Variants in KHSRP observed in about 807,000 individuals in gnomAD.
The protein encoded by KHSRP is KH-type splicing regulatory protein.
In KHSRP, 13 loss-of-function variants were observed where a neutral mutation model predicts 94.9. That is an observed-to-expected ratio of 0.14 (90% CI 0.09 to 0.22). The LOEUF (loss-of-function observed/expected upper bound fraction) is 0.22, where lower values mean the gene tolerates loss of function less well. Ranked by LOEUF, KHSRP falls within the 10% of genes least tolerant of loss-of-function variation. KHSRP has a pLI of 1.00. For synonymous variants in KHSRP, 495 were observed against 401.4 expected (o/e 1.23, Z -2.79); for missense variants, 710 against 1,010.0 (o/e 0.70, Z 4.03).
Position 6,414,552 on chromosome 19 carries a change from A to G in KHSRP, c.*472T>C. The G allele has an allele frequency of 9.7e-7, 1 of 1,025,984 alleles. No individual in the cohort carries two copies. The highest frequency in any genetic ancestry group is 1.2e-6 in the Non-Finnish European group (1 of 856,696). The allele number at this position is 1,025,984 out of a possible 1,614,324, so 63.6% of individuals were successfully genotyped here. A position where few individuals can be genotyped will look rare whatever the true frequency, so the allele number is the denominator to read the frequency against. On this transcript the variant is annotated 3_prime_UTR_variant, in exon 19 of 19. Transcript: ENST00000600480. ...TCACAGACAAGCCCGGGACACAGGCAAGCGCGAGCGCATGGGAGGCTGAGC... is the reference window on the plus strand; with the variant it reads ...TCACAGACAAGCCCGGGACACAGGCGAGCGCGAGCGCATGGGAGGCTGAGC...
In KHSRP at chr19:6,415,221, T is replaced by G; in HGVS notation, c.2047A>C (p.Arg683=). 6.2e-7 allele frequency: 1 copy of G among 1,612,632 alleles called. No individual in the cohort carries two copies. Among genetic ancestry groups the G allele is most frequent in the Non-Finnish European group, 8.5e-7 (1 of 1,179,812 alleles). Reference sequence around the variant, plus strand: ...TGTCCGTAGTAAGCGGCCTGCTGTCTGTAATATTCCGCCCAGGCGGCACTG... The same window carrying G: ...TGTCCGTAGTAAGCGGCCTGCTGTCGGTAATATTCCGCCCAGGCGGCACTG... The part of the protein sequence containing the change: ...DYSAAWAEYY[R]QQAAYYGQTP... The change falls in exon 19 of 19, where the codon AGA becomes CGA. Residue 683 remains arginine (R), a synonymous_variant. Transcript: ENST00000600480.
intron 2 of KHSRP, among the ~76,000 whole-genome samples, 168 bp from the exon 3 acceptor site, chr19:6,421,856 C>T (rs1180221968): frequency 2.0e-5 from 3 of 152,196 alleles, no homozygotes; most frequent in Admixed American, 1.3e-4. Context: ...GGCCAGACCC[C>T]GCCAATTCCG....
chr19:6,415,174 G>C lies in KHSRP; in HGVS notation c.2094C>G (p.Pro698=), dbSNP rs1200828014. Residue 698 remains proline, a synonymous_variant, in exon 19 of 19, where the codon CCC becomes CCG. Coordinates refer to ENST00000600480, the MANE Select transcript of KHSRP (RefSeq NM_001366299.1). ...YYGQTPGPGG[P]QPPPTQQGQQ... ...GTCCCTGCTGCGTGGGCGGCGGCTG[G>C]GGGCCGCCAGGACCTGGGGTCTGTC... 2.5e-6 allele frequency: 4 copies of C among 1,608,520 alleles called. No individual in the cohort carries two copies. Among genetic ancestry groups the C allele is most frequent in the African/African-American group, 1.3e-5 (1 of 74,850 alleles).
Position 6,419,140 on chromosome 19 carries a change from A to G in KHSRP, c.605+63T>C, listed in dbSNP as rs142889901. On this transcript the variant is annotated intron_variant, in intron 7 of 18. Coordinates refer to ENST00000600480, the MANE Select transcript of KHSRP (RefSeq NM_001366299.1). Reference sequence around the variant, plus strand: ...CAAGTTGCTCCCAACTTTCAATTCAAACGGACAGAGCAGGCTTCTGCCTGC... The same window carrying G: ...CAAGTTGCTCCCAACTTTCAATTCAGACGGACAGAGCAGGCTTCTGCCTGC... 698 of 1,481,672 alleles carry G rather than the reference A, an allele frequency of 4.7e-4. 5 individuals carry two copies. In the African/African-American group the frequency reaches 8.5e-3, roughly 18 times the overall value. 91.8% of individuals were successfully genotyped at this position (1,481,672 alleles called of 1,614,324 possible).
intron 5 of KHSRP, 42 bp downstream of exon 5, chr19:6,420,380 G>C (rs769039965): frequency 2.2e-5 from 35 of 1,598,142 alleles, no homozygotes; most frequent in Admixed American, 3.4e-5. Context: ...ACTTCCTCCT[G>C]GGGAAGAGTG....
chr19:6,423,433 C>G (rs1368067593), intron 1 of KHSRP, among the ~76,000 whole-genome samples: 1 of 152,230 alleles, frequency 6.6e-6, no homozygotes, highest in African/African-American at 2.4e-5. Flanking sequence ...TCCCTTTCCA[C>G]CAGTCTCCAT....
intron 10 of KHSRP, 28 bp downstream of exon 10, chr19:6,417,953 G>T (rs754259619): frequency 2.5e-6 from 4 of 1,605,104 alleles, no homozygotes; most frequent in Middle Eastern, 1.7e-4. Flanking sequence ...GCGGGGGAGA[G>T]GGGGGTGAAG....
chr19:6,421,105 C>G, intron 4 of KHSRP, 173 bp downstream of exon 4: 3 of 639,558 alleles, frequency 4.7e-6, no homozygotes, highest in South Asian at 3.9e-5. Context: ...ACAAGGGGTA[C>G]GAGGAACGGA....
rs1452579351 is a variant in KHSRP, at chr19:6,422,393, T to C, written c.293A>G (p.Asn98Ser). The C allele has an allele frequency of 9.3e-6, 15 of 1,613,770 alleles. No homozygotes were observed. Among genetic ancestry groups the C allele is most frequent in the Non-Finnish European group, 1.3e-5 (15 of 1,179,858 alleles). ...IGGDAATTVN[N>S]STPDFGFGGQ... ...CCCAAAACCAAAATCAGGAGTGCTG[T>C]TATTCACTGTCGTGGCAGCATCGCC... Residue 98 changes from asparagine to serine, a missense_variant, in exon 2 of 19, where the codon AAC becomes AGC. Coordinates refer to ENST00000600480, the MANE Select transcript of KHSRP (RefSeq NM_001366299.1).
Position 6,419,268 on chromosome 19 carries a change from G to T in KHSRP, c.548-8C>A. The T allele has an allele frequency of 1.9e-6, 3 of 1,563,216 alleles. No individual in the cohort carries two copies. The highest frequency in any genetic ancestry group is 2.6e-6 in the Non-Finnish European group (3 of 1,154,846). ...CGGGTAGGCCACCGCTGTCTGAAAAGAGGAGATAGAGTCAGTGCCCTCCCT... is the reference window on the plus strand; with the variant it reads ...CGGGTAGGCCACCGCTGTCTGAAAATAGGAGATAGAGTCAGTGCCCTCCCT... On this transcript the variant is annotated splice_region_variant and splice_polypyrimidine_tract_variant and intron_variant, in intron 6 of 18. Coordinates refer to ENST00000600480, the MANE Select transcript of KHSRP (RefSeq NM_001366299.1).
chr19:6,413,147 G>GGA lies in KHSRP; in HGVS notation c.*1876_*1877insTC, dbSNP rs1456705817. 6.8e-6 allele frequency among the ~76,000 whole-genome samples: 1 copy of GGA among 147,382 alleles called. No homozygotes were observed. The highest frequency in any genetic ancestry group is 1.5e-5 in the Non-Finnish European group (1 of 66,706). ...CTTTATTTAACAAAAAAAAAAAAGG[G>GGA]GGGGGGGCACGGTTAGGAAAGCACA... is the stretch of plus-strand genomic sequence containing the variant. On this transcript the variant is annotated 3_prime_UTR_variant, in exon 19 of 19. Transcript: ENST00000600480.
intron 4 of KHSRP, 21 bp from the exon 5 acceptor site, chr19:6,420,492 G>C (rs773577825): frequency 6.2e-7 from 1 of 1,613,126 alleles, no homozygotes. Flanking sequence ...ACACGCCAAA[G>C]GTCAGTCCTC....
At chr19:6,421,824 G>C in intron 2 of KHSRP, 136 bp from the exon 3 acceptor site, 1 of 975,302 alleles carries the variant, frequency 1.0e-6, no homozygotes, top group Non-Finnish European at 1.6e-6. Context: ...CAGGAGCCCA[G>C]GAGAGACTGG....
At chr19:6,422,877 T>C (rs2075755) in intron 1 of KHSRP, among the ~76,000 whole-genome samples, 64,937 of 151,910 alleles carry the variant, frequency 0.43, 14,525 homozygotes, top group Admixed American at 0.55. Flanking sequence ...AAGAGTTCAA[T>C]TTTCCCCTAT....
In KHSRP at chr19:6,420,131, T is replaced by A; in HGVS notation, c.489A>T (p.Gly163=). Reference sequence around the variant, plus strand: ...GTTGGATTTTGTTAATTTGTTCACCTCCTCTGCCAATGACTGGATGGAGAA... The same window carrying A: ...GTTGGATTTTGTTAATTTGTTCACCACCTCTGCCAATGACTGGATGGAGAA... ...DGMVGLIIGR[G]GEQINKIQQD... The change falls in exon 6 of 19, where the codon GGA becomes GGT. Residue 163 remains glycine, a synonymous_variant. Transcript: ENST00000600480. The A allele has an allele frequency of 1.2e-6, 2 of 1,612,926 alleles. No individual in the cohort carries two copies. The highest frequency in any genetic ancestry group is 1.7e-6 in the Non-Finnish European group (2 of 1,179,072).
intron 4 of KHSRP, 128 bp downstream of exon 4, chr19:6,421,150 C>G: frequency 1.2e-6 from 1 of 826,694 alleles, no homozygotes; most frequent in South Asian, 1.7e-5. Context: ...TCTGAGCACT[C>G]TGGTCAACTG....
rs1234490459 is a variant in KHSRP, at chr19:6,416,799, G to A, written c.1266C>T (p.Pro422=). Residue 422 remains proline, a synonymous_variant, in exon 13 of 19, where the codon CCC becomes CCT. Coordinates refer to ENST00000600480, the MANE Select transcript of KHSRP (RefSeq NM_001366299.1). ...GRGRGQGNWG[P]PGGEMTFSIP... is the part of the protein sequence containing the mutation. ...TGGAGAAGGTCATCTCCCCGCCAGG[G>A]GGACCCCAATTGCCTTGGCCTCTTC... The A allele has an allele frequency of 1.3e-6, 2 of 1,586,898 alleles. No individual in the cohort carries two copies. Among genetic ancestry groups the A allele is most frequent in the Admixed American group, 3.7e-5 (2 of 54,440 alleles).
At position 6,415,513 on chromosome 19, in the gene KHSRP, C is replaced by G. The variant is rs1322112357; in HGVS notation, c.1888+21G>C. 10 of 1,547,058 alleles carry G rather than the reference C, an allele frequency of 6.5e-6. No homozygotes were observed. The Admixed American group carries it at 7.9e-5, about 12-fold the overall frequency. ...ACTCCCCCGGCAGGGCTGGAGCCCC[C>G]CCGCCACCCTGCAGACTCACCGATC... On this transcript the variant is annotated intron_variant, in intron 17 of 18. Coordinates refer to ENST00000600480, the MANE Select transcript of KHSRP (RefSeq NM_001366299.1).
Position 6,415,237 on chromosome 19 carries a change from G to A in KHSRP, c.2031C>T (p.Ala677=). Residue 677 remains alanine, a synonymous_variant, in exon 19 of 19, where the codon GCC becomes GCT. Transcript: ENST00000600480. ...PPGSQPDYSA[A]WAEYYRQQAA... is the part of the protein sequence containing the mutation. ...CCTGCTGTCTGTAATATTCCGCCCAGGCGGCACTGTAGTCTGGCTGGGAGC... is the reference window on the plus strand; with the variant it reads ...CCTGCTGTCTGTAATATTCCGCCCAAGCGGCACTGTAGTCTGGCTGGGAGC... 6.2e-7 allele frequency: 1 copy of A among 1,612,792 alleles called. No individual in the cohort carries two copies.
Sources: allele counts gnomAD v4.1 joint callset (sites outside exome capture counted in the v4.1 genomes callset), GRCh38; gene constraint gnomAD v4.1.1; transcripts MANE v1.5; gene names NCBI Gene and HGNC (gene_info 2026-07-23, HGNC 2026-07-21).